The following FCHSD2 variants were observed in gnomAD, a reference collection of about 807,000 sequenced individuals.
FCHSD2 encodes FCH and double SH3 domains 2.
Under a neutral mutation model 108.1 loss-of-function variants are expected in FCHSD2, and 38 were observed. That is an observed-to-expected ratio of 0.35 (90% CI 0.27 to 0.46). FCHSD2 has a LOEUF of 0.46. FCHSD2 is among the 20% of genes least tolerant of loss of function. FCHSD2 has a pLI of 1.00. For missense variants in FCHSD2, 751 were observed against 897.8 expected (o/e 0.84, Z 2.09); for synonymous variants, 279 against 314.7 (o/e 0.89, Z 1.20).
At chr11:72,961,822 A>G (rs1490204868) in intron 8 of FCHSD2, among the ~76,000 whole-genome samples, 1 of 152,204 alleles carries the variant, frequency 6.6e-6, no homozygotes, top group Non-Finnish European at 1.5e-5. Flanking sequence ...TGCAAAGGTG[A>G]GTCTAGTGGT....
At chr11:73,122,999 C>T (rs1032446186) in intron 2 of FCHSD2, among the ~76,000 whole-genome samples, 7 of 152,198 alleles carry the variant, frequency 4.6e-5, no homozygotes, top group Non-Finnish European at 8.8e-5. Context: ...TAAGGAACCT[C>T]ATCCTTCCTT....
intron 10 of FCHSD2, among the ~76,000 whole-genome samples, chr11:72,897,181 ATG>A (rs1430995962): frequency 6.6e-6 from 1 of 152,150 alleles, no homozygotes; most frequent in Non-Finnish European, 1.5e-5. Context: ...TTCTGACTCA[ATG>A]TGCCAGGCAT....
chr11:73,080,408 T>G (rs1178084239), intron 3 of FCHSD2, among the ~76,000 whole-genome samples: 1 of 151,902 alleles, frequency 6.6e-6, no homozygotes, highest in Non-Finnish European at 1.5e-5. Flanking sequence ...CTGCATACAT[T>G]CATATTTACA....
At chr11:73,038,919 A>G (rs1417970118) in intron 3 of FCHSD2, among the ~76,000 whole-genome samples, 2 of 152,160 alleles carry the variant, frequency 1.3e-5, no homozygotes, top group African/African-American at 4.8e-5. Flanking sequence ...CTCCCACTTT[A>G]GTGTTCTTTT....
At position 73,025,856 on chromosome 11, in the gene FCHSD2, T is replaced by C. The variant is rs564193619; in HGVS notation, c.166-9971A>G. Among the ~76,000 whole-genome samples the C allele has an allele frequency of 6.6e-5, 10 of 152,230 alleles. No homozygotes were observed. In the South Asian group the frequency reaches 2.1e-3, roughly 32 times the overall value. On this transcript the variant is annotated intron_variant, in intron 3 of 19. Transcript: ENST00000409418. ...TGTATGATGTACCAACTCAGTAACA[T>C]CCTTCTGGTCTCCCGTAACCATCCA... is the stretch of plus-strand genomic sequence containing the variant.
intron 3 of FCHSD2, among the ~76,000 whole-genome samples, chr11:73,032,295 C>CA (rs1366009728): frequency 2.0e-5 from 3 of 152,100 alleles, no homozygotes; most frequent in Non-Finnish European, 4.4e-5. Context: ...ACAGCACAAT[C>CA]ATTGTTCACT....
chr11:73,110,765 T>C (rs1860463202), intron 2 of FCHSD2, among the ~76,000 whole-genome samples: 1 of 152,186 alleles, frequency 6.6e-6, no homozygotes, highest in Non-Finnish European at 1.5e-5. Flanking sequence ...TTAGGTTATC[T>C]AGCTGAAGAT....
rs561187303 is a variant in FCHSD2 at position 72,998,489 on chromosome 11, C to T, written c.387+2501G>A. On this transcript the variant is annotated intron_variant, in intron 5 of 19. Transcript: ENST00000409418. ...CCCAAGAGGCAGAGGTTGCTGTGAG[C>T]GAGATCATGCCACTGCACTCCAGCC... 4.0e-5 allele frequency among the ~76,000 whole-genome samples: 6 copies of T among 151,786 alleles called. No homozygotes were observed. In the East Asian group the frequency reaches 9.7e-4, roughly 24 times the overall value.
At position 72,937,766 on chromosome 11, in the gene FCHSD2, G is replaced by C. The variant is rs950639819; in HGVS notation, c.706-15816C>G. ...GGCAAGCATTGGAAACAAACAAACA[G>C]GATAATTTCAATTATACAGGGTGCT... On this transcript the variant is annotated intron_variant, in intron 8 of 19. Coordinates refer to ENST00000409418, the MANE Select transcript of FCHSD2 (RefSeq NM_014824.3). Among the ~76,000 whole-genome samples the C allele has an allele frequency of 5.3e-5, 8 of 152,140 alleles. 1 individual carries two copies. Among genetic ancestry groups the C allele is most frequent in the Admixed American group, 5.2e-4 (8 of 15,262 alleles).
chr11:72,840,833 G>A (rs1860902723), intron 19 of FCHSD2, 44 bp downstream of exon 19: 1 of 1,372,542 alleles, frequency 7.3e-7, no homozygotes, highest in South Asian at 1.2e-5. Flanking sequence ...CTTTCAATTT[G>A]GAAGAACTAT....
intron 8 of FCHSD2, among the ~76,000 whole-genome samples, chr11:72,936,403 A>G (rs952373340): frequency 6.6e-6 from 1 of 152,168 alleles, no homozygotes; most frequent in African/African-American, 2.4e-5. Flanking sequence ...TTTTCTATGT[A>G]CCATTTTAAT....
intron 8 of FCHSD2, among the ~76,000 whole-genome samples, chr11:72,974,595 A>G (rs1857071897): frequency 6.6e-6 from 1 of 152,264 alleles, no homozygotes; most frequent in South Asian, 2.1e-4. Flanking sequence ...CACTAGTCAC[A>G]TGTGGCCTTT....
chr11:72,887,128 G>GATAT (rs5792604), intron 12 of FCHSD2, among the ~76,000 whole-genome samples: 1 of 148,906 alleles, frequency 6.7e-6, no homozygotes, highest in African/African-American at 2.5e-5. Context: ...TATATAAGGA[G>GATAT]ATATATATAT....
At chr11:73,004,995 T>C (rs1857710051) in intron 4 of FCHSD2, among the ~76,000 whole-genome samples, 1 of 152,212 alleles carries the variant, frequency 6.6e-6, no homozygotes, top group Admixed American at 6.5e-5. Flanking sequence ...CCAATCCTCC[T>C]ATTACTTGCA....
intron 3 of FCHSD2, among the ~76,000 whole-genome samples, chr11:73,081,243 G>T (rs1859677481): frequency 6.6e-6 from 1 of 151,982 alleles, no homozygotes; most frequent in Non-Finnish European, 1.5e-5. Flanking sequence ...AGATCATCTT[G>T]CCCACTATGG....
At chr11:73,101,747 A>G (rs1228273344) in intron 2 of FCHSD2, among the ~76,000 whole-genome samples, 6 of 151,844 alleles carry the variant, frequency 4.0e-5, no homozygotes, top group African/African-American at 1.5e-4. Flanking sequence ...CCCCCGAAAA[A>G]AACACAACAC....
intron 13 of FCHSD2, among the ~76,000 whole-genome samples, chr11:72,853,006 G>A (rs1472506542): frequency 6.6e-6 from 1 of 152,138 alleles, no homozygotes; most frequent in African/African-American, 2.4e-5. Flanking sequence ...GAAGGTGGGA[G>A]GAGGGAGAGG....
At chr11:72,892,441 G>T (rs1184333299) in intron 10 of FCHSD2, among the ~76,000 whole-genome samples, 1 of 152,192 alleles carries the variant, frequency 6.6e-6, no homozygotes, top group East Asian at 1.9e-4. Flanking sequence ...ACATGTGGAA[G>T]CTCCTGAGAC....
chr11:72,842,129 T>C (rs1171688094), intron 17 of FCHSD2, among the ~76,000 whole-genome samples: 2 of 152,174 alleles, frequency 1.3e-5, no homozygotes, highest in Non-Finnish European at 2.9e-5. Context: ...TTAAAGGCTG[T>C]TTCCCTGTGA....
Sources: gnomAD v4.1 joint callset for allele counts (sites outside exome capture counted in the v4.1 genomes callset) on GRCh38, gnomAD v4.1.1 for gene constraint, MANE v1.5 for transcripts, NCBI Gene and HGNC (gene_info 2026-07-23, HGNC 2026-07-21) for gene names.